The following DTNA variants were observed in gnomAD, a reference collection of about 807,000 sequenced individuals.
The protein encoded by DTNA is dystrobrevin alpha.
A neutral mutation model predicts 100.7 loss-of-function variants in DTNA; 43 were observed. The ratio of observed to expected loss-of-function variants is 0.43; its 90% CI spans 0.33 to 0.55. The LOEUF is 0.55. Among genes scored for constraint, DTNA ranks in the 20% least tolerant of loss-of-function variants. DTNA has a pLI of 0.04. For synonymous variants in DTNA, 349 were observed against 347.9 expected, an observed-to-expected ratio of 1.00 and a Z score of -0.04; for missense variants, 798 against 953.9, an observed-to-expected ratio of 0.84 and a Z score of 2.15.
At chr18:34,527,627 T>C (rs2042752693) in intron 1 of DTNA, among the ~76,000 whole-genome samples, 1 of 152,140 alleles carries the variant, frequency 6.6e-6, no homozygotes, top group African/African-American at 2.4e-5. Flanking sequence ...GTTTTGTTAC[T>C]TGTATATTTG....
chr18:34,693,824 G>C (rs1418142756), intron 1 of DTNA, among the ~76,000 whole-genome samples: 1 of 150,116 alleles, frequency 6.7e-6, no homozygotes, highest in African/African-American at 2.5e-5. Context: ...CCCTTTAATG[G>C]GAATATTAAA....
At chr18:34,680,131 G>A (rs893627272) in intron 1 of DTNA, among the ~76,000 whole-genome samples, 1 of 152,044 alleles carries the variant, frequency 6.6e-6, no homozygotes, top group Non-Finnish European at 1.5e-5. Context: ...GTAGGGCATG[G>A]TTAAGGGCAG....
chr18:34,722,678 C>T (rs2085623936), intron 1 of DTNA, among the ~76,000 whole-genome samples: 1 of 151,580 alleles, frequency 6.6e-6, no homozygotes, highest in Admixed American at 6.6e-5. Flanking sequence ...TATTCATCAC[C>T]ACCAAAAATT....
chr18:34,574,355 T>C (rs16965484), intron 1 of DTNA: 2,876 of 153,360 alleles, frequency 0.019, 94 homozygotes, highest in African/African-American at 0.064. Context: ...GTTTCTCCAG[T>C]GCCTCCAGGT....
At chr18:34,762,968 T>C (rs2093274619) in intron 2 of DTNA, among the ~76,000 whole-genome samples, 2 of 152,138 alleles carry the variant, frequency 1.3e-5, no homozygotes, top group African/African-American at 4.8e-5. Context: ...CTTTGCCGTA[T>C]TTCCCCCAGG....
At chr18:34,534,997 G>C (rs2043540405) in intron 1 of DTNA, among the ~76,000 whole-genome samples, 1 of 152,032 alleles carries the variant, frequency 6.6e-6, no homozygotes, top group Non-Finnish European at 1.5e-5. Context: ...TAATCCTTTG[G>C]GTATATACCC....
At chr18:34,711,093 A>G (rs930321349) in intron 1 of DTNA, among the ~76,000 whole-genome samples, 1 of 152,334 alleles carries the variant, frequency 6.6e-6, no homozygotes, top group African/African-American at 2.4e-5. Flanking sequence ...ATAGAAGTAA[A>G]TACAACATGG....
At chr18:34,830,950 G>GTAT (rs778937426) in intron 11 of DTNA, among the ~76,000 whole-genome samples, 5 of 152,032 alleles carry the variant, frequency 3.3e-5, no homozygotes, top group Admixed American at 6.6e-5. Context: ...GAAAGTTAGT[G>GTAT]TATTATTATT....
intron 1 of DTNA, among the ~76,000 whole-genome samples, chr18:34,527,506 G>A (rs1469295546): frequency 6.6e-6 from 1 of 151,952 alleles, no homozygotes; most frequent in African/African-American, 2.4e-5. Flanking sequence ...AAGTCCCTGT[G>A]CCTCCTACAG....
intron 1 of DTNA, among the ~76,000 whole-genome samples, chr18:34,596,960 G>A (rs561791515): frequency 9.9e-5 from 15 of 152,006 alleles, no homozygotes; most frequent in African/African-American, 2.7e-4. Flanking sequence ...CCGTCAACCC[G>A]TCATCTACAT....
chr18:34,585,968 G>T (rs1392391634), intron 1 of DTNA, among the ~76,000 whole-genome samples: 1 of 152,184 alleles, frequency 6.6e-6, no homozygotes, highest in Non-Finnish European at 1.5e-5. Context: ...TTTTCAAGCA[G>T]TGCTTCCCAG....
intron 1 of DTNA, among the ~76,000 whole-genome samples, chr18:34,560,247 AG>A (rs1336354948): frequency 6.6e-6 from 1 of 152,226 alleles, no homozygotes; most frequent in Non-Finnish European, 1.5e-5. Flanking sequence ...CCTTGAGAGC[AG>A]GAACTGTATT....
chr18:34,781,031 G>A (rs2094296301), intron 3 of DTNA, among the ~76,000 whole-genome samples: 2 of 152,208 alleles, frequency 1.3e-5, no homozygotes, highest in African/African-American at 2.4e-5. Context: ...TGAGATGTCA[G>A]AGGTATTCAG....
intron 11 of DTNA, among the ~76,000 whole-genome samples, chr18:34,836,898 A>G (rs1360544508): frequency 6.6e-6 from 1 of 152,058 alleles, no homozygotes; most frequent in Non-Finnish European, 1.5e-5. Flanking sequence ...TCCAACTATA[A>G]TGTGCATAGT....
intron 1 of DTNA, among the ~76,000 whole-genome samples, chr18:34,701,488 G>A (rs937708283): frequency 7.2e-5 from 11 of 151,908 alleles, no homozygotes; most frequent in African/African-American, 2.2e-4. Context: ...GCATGATCTC[G>A]ATGTGTGCAG....
chr18:34,691,795 C>A (rs1339836423), intron 1 of DTNA, among the ~76,000 whole-genome samples: 5 of 152,222 alleles, frequency 3.3e-5, no homozygotes, highest in Admixed American at 1.3e-4. Flanking sequence ...AAATCCCCTT[C>A]ATCTGCATGC....
rs141634621 is a variant in DTNA at position 34,688,732 on chromosome 18, T to A, written c.-1-67244T>A. On this transcript the variant is annotated intron_variant, in intron 1 of 19. Coordinates refer to the DTNA transcript ENST00000283365. ...AGTTCTCCTGAATAATATCCTGAAGTGTGTTTTCTAACTTAGTTCCATTCT... is the reference window on the plus strand; with the variant it reads ...AGTTCTCCTGAATAATATCCTGAAGAGTGTTTTCTAACTTAGTTCCATTCT... 2.7e-3 allele frequency among the ~76,000 whole-genome samples: 411 copies of A among 152,196 alleles called. 3 individuals carry two copies. Among genetic ancestry groups the A allele is most frequent in the African/African-American group, 9.3e-3 (387 of 41,530 alleles).
chr18:34,568,160 G>A (rs2047248735), intron 1 of DTNA, among the ~76,000 whole-genome samples: 1 of 151,704 alleles, frequency 6.6e-6, no homozygotes, highest in Non-Finnish European at 1.5e-5. Flanking sequence ...TAAAAATAAG[G>A]CCAAGAAAAA....
chr18:34,672,565 T>C (rs973980237), intron 1 of DTNA, among the ~76,000 whole-genome samples: 2 of 152,204 alleles, frequency 1.3e-5, no homozygotes, highest in Non-Finnish European at 2.9e-5. Flanking sequence ...TGTGAATGTG[T>C]GTATAAAGTA....
Sources: allele counts gnomAD v4.1 joint callset (sites outside exome capture counted in the v4.1 genomes callset), GRCh38; gene constraint gnomAD v4.1.1; transcripts MANE v1.5; gene names NCBI Gene and HGNC (gene_info 2026-07-23, HGNC 2026-07-21).